HMG20A: variants seen among roughly 807,000 people sequenced by gnomAD.
HMG20A encodes high mobility group 20A.
In HMG20A, 17 loss-of-function variants were observed where a neutral mutation model predicts 43.9. That is an observed-to-expected ratio of 0.39 (90% CI 0.27 to 0.58). The LOEUF (loss-of-function observed/expected upper bound fraction) is 0.58. Ranked by LOEUF, HMG20A falls within the 20% of genes least tolerant of loss-of-function variation. HMG20A has a pLI of 0.59. For synonymous variants in HMG20A, 132 were observed against 147.5 expected, an observed-to-expected ratio of 0.89 and a Z score of 0.76; for missense variants, 341 against 438.2, an observed-to-expected ratio of 0.78 and a Z score of 1.98.
intron 1 of HMG20A, among the ~76,000 whole-genome samples, chr15:77,443,726 G>A (rs1026908077): frequency 6.6e-5 from 10 of 150,910 alleles, no homozygotes; most frequent in African/African-American, 2.0e-4. Flanking sequence ...TTATTATTAC[G>A]ACAGGGTCTC....
At chr15:77,432,188 A>G (rs955274181) in intron 1 of HMG20A, among the ~76,000 whole-genome samples, 3 of 152,252 alleles carry the variant, frequency 2.0e-5, no homozygotes, top group South Asian at 2.1e-4. Flanking sequence ...ATAACTGCCA[A>G]TCTAGAAATC....
chr15:77,466,391 A>T (rs182155673), intron 3 of HMG20A, among the ~76,000 whole-genome samples: 162 of 152,288 alleles, frequency 1.1e-3, no homozygotes, highest in African/African-American at 3.8e-3. Flanking sequence ...CAAAAAAAAA[A>T]TTAAAATAAA....
At chr15:77,494,982 A>G in the HMG20A span, among the ~76,000 whole-genome samples, 2 of 152,224 alleles carry the variant, frequency 1.3e-5, no homozygotes, top group African/African-American at 4.8e-5. Flanking sequence ...CAGACATTTA[A>G]TGAGAGACAA....
At chr15:77,458,056 G>C (rs1176833575) in intron 1 of HMG20A, among the ~76,000 whole-genome samples, 3 of 152,142 alleles carry the variant, frequency 2.0e-5, no homozygotes, top group Non-Finnish European at 4.4e-5. Context: ...AGCTTAAATA[G>C]CTTGCTCAGA....
At chr15:77,453,683 A>G (rs909736651) in intron 1 of HMG20A, among the ~76,000 whole-genome samples, 4 of 152,320 alleles carry the variant, frequency 2.6e-5, no homozygotes, top group African/African-American at 4.8e-5. Flanking sequence ...AAGTCTATCA[A>G]CTGATATGTG....
Position 77,458,437 on chromosome 15 carries a change from A to G in HMG20A, c.30A>G (p.Leu10=), listed in dbSNP as rs912720273. ...AAAACTTGATGACTAGCTCCACCCT[A>G]CCGCCCCTTTTTGCAGATGAAGACG... The part of the protein sequence containing the change: MENLMTSST[L]PPLFADEDGS... The change falls in exon 2 of 10, where the codon CTA becomes CTG. Residue 10 remains leucine (L), a synonymous_variant. Coordinates refer to ENST00000336216, the MANE Select transcript of HMG20A (RefSeq NM_001304504.2). 1 of 1,613,086 alleles carries G rather than the reference A, an allele frequency of 6.2e-7. No individual in the cohort carries two copies. Among genetic ancestry groups the G allele is most frequent in the African/African-American group, 1.3e-5 (1 of 74,804 alleles).
chr15:77,459,333 T>C (rs940036379), intron 2 of HMG20A, among the ~76,000 whole-genome samples: 1 of 152,346 alleles, frequency 6.6e-6, no homozygotes, highest in Non-Finnish European at 1.5e-5. Context: ...GTATCTGCTA[T>C]GTGTCATTGT....
the HMG20A span, among the ~76,000 whole-genome samples, chr15:77,508,057 C>A: frequency 6.6e-6 from 1 of 152,134 alleles, no homozygotes; most frequent in East Asian, 1.9e-4. Flanking sequence ...AGTCTCCAGG[C>A]CAAGGCTATT....
chr15:77,513,492 C>T, the HMG20A span, among the ~76,000 whole-genome samples: 2 of 152,222 alleles, frequency 1.3e-5, no homozygotes, highest in African/African-American at 4.8e-5. Context: ...CAGAATGCCA[C>T]AGGCTGGGTG....
intron 1 of HMG20A, among the ~76,000 whole-genome samples, chr15:77,430,326 C>G (rs1025223078): frequency 1.3e-5 from 2 of 152,176 alleles, no homozygotes; most frequent in African/African-American, 2.4e-5. Flanking sequence ...AGTTTTTATT[C>G]AGAGCCCAAG....
intron 9 of HMG20A, among the ~76,000 whole-genome samples, chr15:77,480,548 G>T (rs978013130): frequency 5.7e-4 from 86 of 149,586 alleles, no homozygotes; most frequent in African/African-American, 2.0e-3. Flanking sequence ...AGGAGTTCAG[G>T]TTTCAGTAAG....
chr15:77,440,753 T>G (rs532144292), intron 1 of HMG20A, among the ~76,000 whole-genome samples: 2 of 152,294 alleles, frequency 1.3e-5, no homozygotes, highest in South Asian at 4.1e-4. Flanking sequence ...TGCCCATGAG[T>G]TACATGGTCC....
chr15:77,440,054 TAGG>T (rs1187806382), intron 1 of HMG20A, among the ~76,000 whole-genome samples: 3 of 152,220 alleles, frequency 2.0e-5, no homozygotes, highest in Non-Finnish European at 4.4e-5. Context: ...TAGTGATATT[TAGG>T]AGTTCTTCGT....
At chr15:77,443,461 A>G (rs2073638652) in intron 1 of HMG20A, among the ~76,000 whole-genome samples, 1 of 140,398 alleles carries the variant, frequency 7.1e-6, no homozygotes, top group Non-Finnish European at 1.6e-5. Context: ...GCACGATCTC[A>G]CCTCACTGCA....
intron 1 of HMG20A, among the ~76,000 whole-genome samples, chr15:77,435,464 A>AT (rs1011563738): frequency 1.6e-4 from 25 of 151,624 alleles, no homozygotes; most frequent in South Asian, 6.3e-4. Flanking sequence ...CTTTTATTGT[A>AT]TTTTTTTTAA....
chr15:77,476,927 C>T (rs2072861959), intron 6 of HMG20A, among the ~76,000 whole-genome samples: 1 of 151,924 alleles, frequency 6.6e-6, no homozygotes, highest in Non-Finnish European at 1.5e-5. Flanking sequence ...CGTTTGCTTT[C>T]TAATTTTTAG....
chr15:77,477,708 A>G (rs2142359080), intron 7 of HMG20A, 78 bp downstream of exon 7: 1 of 943,462 alleles, frequency 1.1e-6, no homozygotes, highest in South Asian at 1.4e-5. Context: ...TCATTGCTCA[A>G]AAGCAATGGT....
the HMG20A span, among the ~76,000 whole-genome samples, chr15:77,519,364 G>T: frequency 6.6e-6 from 1 of 152,212 alleles, no homozygotes; most frequent in African/African-American, 2.4e-5. Context: ...CAGGCCAAGG[G>T]TTATTGTTCC....
chr15:77,516,146 G>T, the HMG20A span, among the ~76,000 whole-genome samples: 1 of 152,180 alleles, frequency 6.6e-6, no homozygotes, highest in African/African-American at 2.4e-5. Context: ...AATTGATGGT[G>T]CTCTGATTTC....
Sources: gnomAD v4.1 joint callset for allele counts (sites outside exome capture counted in the v4.1 genomes callset) on GRCh38, gnomAD v4.1.1 for gene constraint, MANE v1.5 for transcripts, NCBI Gene and HGNC (gene_info 2026-07-23, HGNC 2026-07-21) for gene names.